Variants in EDRF1 observed in about 807,000 individuals in gnomAD.
EDRF1 encodes the protein erythroid differentiation-related factor 1.
Under a neutral mutation model 148.7 loss-of-function variants are expected in EDRF1, and 69 were observed. That is an observed-to-expected ratio of 0.46 (90% CI 0.38 to 0.57). EDRF1 has a LOEUF of 0.57. Ranked by LOEUF, EDRF1 falls within the 20% of genes least tolerant of loss-of-function variation. The pLI is 0.00. For synonymous variants in EDRF1, 515 were observed against 532.8 expected (o/e 0.97, Z 0.46); for missense variants, 1,118 against 1,478.7 (o/e 0.76, Z 4.00).
chr10:125,737,761 T>G (rs1243129235), intron 13 of EDRF1, among the ~76,000 whole-genome samples, 157 bp from the exon 14 acceptor site: 1 of 152,220 alleles, frequency 6.6e-6, no homozygotes, highest in African/African-American at 2.4e-5. Flanking sequence ...GAATTGTATT[T>G]AAAATTGTAA....
At chr10:125,742,767 G>T (rs1849100017) in intron 17 of EDRF1, 1 of 984,704 alleles carries the variant, frequency 1.0e-6, no homozygotes, top group Non-Finnish European at 1.2e-6. Flanking sequence ...GACAACTTTA[G>T]GTCCATTCTA....
In EDRF1 at chr10:125,749,446, T is replaced by G; in HGVS notation, c.3158T>G (p.Val1053Gly). The change falls in exon 22 of 25, where the codon GTG (valine) becomes GGG (glycine). Residue 1053 changes from valine (V) to glycine (G), a missense_variant. Transcript: ENST00000356792. ...GAACACCTTAGGAAACAACACCGGGTGCTGGCAGATCTTCATTACAGCAAG... is the reference window on the plus strand; with the variant it reads ...GAACACCTTAGGAAACAACACCGGGGGCTGGCAGATCTTCATTACAGCAAG... ...GDEHLRKQHRVLADLHYSKAA... is the reference protein window; with the variant it reads ...GDEHLRKQHRGLADLHYSKAA... 6.2e-7 allele frequency: 1 copy of G among 1,614,162 alleles called. No individual in the cohort carries two copies. Among genetic ancestry groups the G allele is most frequent in the Non-Finnish European group, 8.5e-7 (1 of 1,180,020 alleles).
Position 125,735,788 on chromosome 10 carries a change from A to T in EDRF1, c.1642A>T (p.Asn548Tyr), listed in dbSNP as rs775542697. ...EEEEMPDSDE[N>Y]GSYSTSSDPS... Reference sequence around the variant, plus strand: ...GGAAGAGATGCCCGACAGTGATGAAAATGGATCCTATAGCACCAGCTCTGA... The same window carrying T: ...GGAAGAGATGCCCGACAGTGATGAATATGGATCCTATAGCACCAGCTCTGA... Residue 548 changes from asparagine (N) to tyrosine (Y), a missense_variant, in exon 13 of 25, where the codon AAT (asparagine) becomes TAT (tyrosine). Transcript: ENST00000356792. 1.9e-6 allele frequency: 3 copies of T among 1,613,896 alleles called. No individual in the cohort carries two copies. Among genetic ancestry groups the T allele is most frequent in the Non-Finnish European group, 2.5e-6 (3 of 1,179,810 alleles).
intron 24 of EDRF1, among the ~76,000 whole-genome samples, chr10:125,756,516 A>C (rs1380619164): frequency 6.6e-6 from 1 of 152,174 alleles, no homozygotes; most frequent in Admixed American, 6.5e-5. Flanking sequence ...CTATCAATTT[A>C]CTGAGCGAGG....
intron 6 of EDRF1, 32 bp downstream of exon 6, chr10:125,725,870 A>G (rs748495119): frequency 1.9e-6 from 3 of 1,606,062 alleles, no homozygotes; most frequent in South Asian, 1.1e-5. Flanking sequence ...CTAGAAACTC[A>G]CATAGGAAAA....
At chr10:125,725,508 C>A in intron 5 of EDRF1, 66 bp downstream of exon 5, 19 of 1,599,608 alleles carry the variant, frequency 1.2e-5, no homozygotes, top group Non-Finnish European at 1.5e-5. Flanking sequence ...TAGTGTGAAG[C>A]TTAATGAAGT....
chr10:125,750,640 C>T (rs577911754), intron 22 of EDRF1, among the ~76,000 whole-genome samples: 69 of 152,292 alleles, frequency 4.5e-4, no homozygotes, highest in African/African-American at 1.6e-3. Context: ...TAACATTGTT[C>T]CCTTTGGGGA....
chr10:125,719,927 G>A lies in EDRF1; in HGVS notation c.108+12G>A. On this transcript the variant is annotated intron_variant, in intron 1 of 24. Coordinates refer to ENST00000356792, the MANE Select transcript of EDRF1 (RefSeq NM_001202438.2). ...AATCTTCTGCACAGGTGAGTCCTCCGCGGAGGGGGACCTGCCAGGGATGTG... is the reference window on the plus strand; with the variant it reads ...AATCTTCTGCACAGGTGAGTCCTCCACGGAGGGGGACCTGCCAGGGATGTG... 1 of 1,608,810 alleles carries A rather than the reference G, an allele frequency of 6.2e-7. No homozygotes were observed. The highest frequency in any genetic ancestry group is 1.1e-5 in the South Asian group (1 of 90,810).
intron 17 of EDRF1, 38 bp downstream of exon 17, chr10:125,741,239 A>C: frequency 1.3e-6 from 2 of 1,568,364 alleles, no homozygotes; most frequent in Non-Finnish European, 1.8e-6. Flanking sequence ...TCACAGTGGG[A>C]CTGTGCAGTC....
Position 125,719,879 on chromosome 10 carries a change from C to T in EDRF1, c.72C>T (p.Leu24=). The T allele has an allele frequency of 6.2e-7, 1 of 1,613,194 alleles. No individual in the cohort carries two copies. Among genetic ancestry groups the T allele is most frequent in the Non-Finnish European group, 8.5e-7 (1 of 1,179,880 alleles). ...AGAAARGGLS[L]LSQGESEESS... The stretch of plus-strand genomic sequence containing the variant: ...CCGCCGCTCGAGGAGGGCTCAGCCT[C>T]CTGTCCCAGGGAGAATCCGAGGAAT... The change falls in exon 1 of 25, where the codon CTC becomes CTT. Residue 24 remains leucine (L), a synonymous_variant. Transcript: ENST00000356792.
chr10:125,748,743 C>A, intron 21 of EDRF1: 1 of 157,004 alleles, frequency 6.4e-6, no homozygotes, highest in Non-Finnish European at 1.4e-5. Flanking sequence ...CACTCTGTTG[C>A]CCAGACTGGA....
At position 125,750,949 on chromosome 10, in the gene EDRF1, TTTTTG is replaced by T. The variant is rs199782104; in HGVS notation, c.3277+1403_3277+1407del. Among the ~76,000 whole-genome samples the T allele has an allele frequency of 6.3e-4, 96 of 152,248 alleles. No individual in the cohort carries two copies. The East Asian group carries it at 0.017, about 27-fold the overall frequency. On this transcript the variant is annotated intron_variant, in intron 22 of 24. Coordinates refer to ENST00000356792, the MANE Select transcript of EDRF1 (RefSeq NM_001202438.2). ...ATCTTTTTTGTTGTTGGGGTTTTGT[TTTTTG>T]TTTTGTTTTGTTTTGTTTGAGACAG... is the stretch of plus-strand genomic sequence containing the variant.
intron 9 of EDRF1, chr10:125,731,819 A>G (rs1395114301): frequency 2.3e-6 from 1 of 438,666 alleles, no homozygotes; most frequent in South Asian, 1.6e-5. Flanking sequence ...TTATCCAAGC[A>G]CTTTGCTGAA....
chr10:125,723,773 C>T, intron 3 of EDRF1, 38 bp from the exon 4 acceptor site: 1 of 1,579,316 alleles, frequency 6.3e-7, no homozygotes, highest in Non-Finnish European at 8.7e-7. Flanking sequence ...CACACTAAAA[C>T]AGTCTTTCTA....
intron 24 of EDRF1, among the ~76,000 whole-genome samples, chr10:125,762,186 C>T (rs1473174646): frequency 1.3e-5 from 2 of 152,196 alleles, no homozygotes; most frequent in African/African-American, 4.8e-5. Flanking sequence ...GCTCTGCATG[C>T]TGGCTGCTCT....
chr10:125,756,050 GA>G (rs1402522019), intron 24 of EDRF1, among the ~76,000 whole-genome samples: 1 of 152,002 alleles, frequency 6.6e-6, no homozygotes, highest in East Asian at 1.9e-4. Context: ...TTACTAATTT[GA>G]GACATTTTTC....
intron 18 of EDRF1, chr10:125,744,969 C>G (rs951148035): frequency 5.2e-5 from 8 of 152,638 alleles, no homozygotes; most frequent in Non-Finnish European, 1.2e-4. Context: ...CATCGTTACT[C>G]TTGTGCTTTG....
At chr10:125,748,597 C>CG (rs1849489112) in intron 21 of EDRF1, 1 of 167,846 alleles carries the variant, frequency 6.0e-6, no homozygotes, top group African/African-American at 2.4e-5. Flanking sequence ...TTTTCCCCCC[C>CG]CGTAAGGTAA....
At chr10:125,742,987 C>G in intron 17 of EDRF1, 71 bp from the exon 18 acceptor site, 2 of 1,578,008 alleles carry the variant, frequency 1.3e-6, no homozygotes, top group Non-Finnish European at 1.7e-6. Flanking sequence ...TTTAGAATCT[C>G]AGGTTCATTT....
Sources: gnomAD v4.1 joint callset for allele counts (sites outside exome capture counted in the v4.1 genomes callset) on GRCh38, gnomAD v4.1.1 for gene constraint, MANE v1.5 for transcripts, NCBI Gene and HGNC (gene_info 2026-07-23, HGNC 2026-07-21) for gene names.